The following HEG1 variants were observed in gnomAD, a reference collection of about 807,000 sequenced individuals.
HEG1 encodes the protein protein HEG homolog 1.
A neutral mutation model predicts 125.6 loss-of-function variants in HEG1; 56 were observed. The observed-to-expected ratio is 0.45, with a 90% confidence interval of 0.36 to 0.56. The LOEUF is 0.56. HEG1 is among the 20% of genes least tolerant of loss of function. The pLI is 0.00. For missense variants in HEG1, 1,523 were observed against 1,670.0 expected, an observed-to-expected ratio of 0.91 and a Z score of 1.53; for synonymous variants, 644 against 668.5, an observed-to-expected ratio of 0.96 and a Z score of 0.57.
intron 14 of HEG1, among the ~76,000 whole-genome samples, chr3:124,989,118 G>A (rs1168348185): frequency 6.6e-6 from 1 of 152,180 alleles, no homozygotes; most frequent in African/African-American, 2.4e-5. Flanking sequence ...CAAGTCTCTA[G>A]ACTCTGACCT....
At chr3:125,001,132 G>A (rs1936992771) in intron 11 of HEG1, among the ~76,000 whole-genome samples, 2 of 152,146 alleles carry the variant, frequency 1.3e-5, no homozygotes, top group Non-Finnish European at 2.9e-5. Flanking sequence ...AATTGTTTAT[G>A]GCGCCACTGT....
In HEG1 at chr3:125,024,135, T is replaced by A. The variant is rs543336466; in HGVS notation, c.914-3005A>T. On this transcript the variant is annotated intron_variant, in intron 3 of 16. Transcript: ENST00000311127. ...GATACATTATTATATCCTCAGCTCC[T>A]ATTGAGAATCTATATAAAATATCAC... Among the ~76,000 whole-genome samples, 217 of 152,356 alleles carry A rather than the reference T, an allele frequency of 1.4e-3. 4 individuals carry two copies. The highest frequency in any genetic ancestry group is 5.0e-3 in the African/African-American group (208 of 41,580).
intron 14 of HEG1, among the ~76,000 whole-genome samples, chr3:124,984,201 A>G (rs1408072083): frequency 1.3e-5 from 2 of 152,162 alleles, no homozygotes; most frequent in African/African-American, 4.8e-5. Context: ...ACAGTGTAGA[A>G]AGATATTTAA....
chr3:124,991,365 G>A (rs1298281586), intron 12 of HEG1, among the ~76,000 whole-genome samples: 1 of 152,040 alleles, frequency 6.6e-6, no homozygotes, highest in South Asian at 2.1e-4. Flanking sequence ...GCTCAGGCTT[G>A]TCTCGAACTC....
rs927738567 is a variant in HEG1 at position 125,012,560 on chromosome 3, A to G, written c.2956+63T>C. 4 of 1,479,194 alleles carry G rather than the reference A, an allele frequency of 2.7e-6. No individual in the cohort carries two copies. In the African/African-American group the frequency reaches 4.2e-5, roughly 15 times the overall value. The allele number at this position is 1,479,194 out of a possible 1,614,324, so 91.6% of individuals were successfully genotyped here. ...CAAATTCACATGAACCCCGAGCCCCATGTAGCTCTCAGTGCTGGACTGGGC... is the reference window on the plus strand; with the variant it reads ...CAAATTCACATGAACCCCGAGCCCCGTGTAGCTCTCAGTGCTGGACTGGGC... On this transcript the variant is annotated intron_variant, in intron 6 of 16. Transcript: ENST00000311127.
intron 12 of HEG1, among the ~76,000 whole-genome samples, chr3:124,996,472 T>C (rs1936925575): frequency 6.6e-6 from 1 of 152,178 alleles, no homozygotes; most frequent in South Asian, 2.1e-4. Context: ...TGTAGCAATG[T>C]GGCAGTCTGG....
chr3:125,007,513 C>T (rs191294911), intron 8 of HEG1, among the ~76,000 whole-genome samples: 69 of 152,334 alleles, frequency 4.5e-4, no homozygotes, highest in Non-Finnish European at 4.4e-4. Flanking sequence ...GTATTCAGCA[C>T]AGTTTATTGT....
At position 125,055,958 on chromosome 3, in the gene HEG1, G is replaced by GGCA. The variant is rs1180264582; in HGVS notation, c.-69_-68insTGC. The GGCA allele has an allele frequency of 2.3e-6, 2 of 871,248 alleles. No homozygotes were observed. Among genetic ancestry groups the GGCA allele is most frequent in the East Asian group, 1.2e-4 (1 of 8,196 alleles). 54.0% of individuals were successfully genotyped at this position (871,248 alleles called of 1,614,324 possible). On this transcript the variant is annotated 5_prime_UTR_variant, in exon 1 of 17. Transcript: ENST00000311127. ...CGAGGGCAGCGGGCAGCGGGCAGCG[G>GGCA]GCGGCGGGGGCCGCGCGGGGCCGGG...
intron 15 of HEG1, among the ~76,000 whole-genome samples, chr3:124,974,544 G>C (rs1936502279): frequency 6.6e-6 from 1 of 152,110 alleles, no homozygotes; most frequent in Non-Finnish European, 1.5e-5. Context: ...AAACAGAATG[G>C]TTTGTTTATG....
intron 1 of HEG1, among the ~76,000 whole-genome samples, chr3:125,052,090 G>A (rs973710936): frequency 6.6e-6 from 1 of 152,012 alleles, no homozygotes; most frequent in South Asian, 2.1e-4. Flanking sequence ...AAAAGGATGT[G>A]GCTTTTAAAC....
chr3:125,039,027 GGAGATTA>G, intron 1 of HEG1, among the ~76,000 whole-genome samples: 1 of 152,284 alleles, frequency 6.6e-6, no homozygotes, highest in East Asian at 1.9e-4. Context: ...TCCTCATATT[GGAGATTA>G]GACATCCCAT....
chr3:125,019,277 G>A lies in HEG1; in HGVS notation c.1573C>T (p.Arg525Cys), dbSNP rs369260326. Reference sequence around the variant, plus strand: ...AAAAACTCACTCGAACGTTCTCCACGTGGTGCTGATGAATTCAAGCTTTCC... The same window carrying A: ...AAAAACTCACTCGAACGTTCTCCACATGGTGCTGATGAATTCAAGCTTTCC... ...SSESLNSSAP[R>C]GERSIAGISY... The change falls in exon 5 of 17, where the codon CGT becomes TGT. Residue 525 changes from arginine (R) to cysteine (C), a missense_variant. By Grantham distance (180) the Arg-to-Cys change is radical (BLOSUM62 -3). Transcript: ENST00000311127. 1.7e-4 allele frequency: 279 copies of A among 1,608,632 alleles called. No homozygotes were observed. Among genetic ancestry groups the A allele is most frequent in the Non-Finnish European group, 2.3e-4 (270 of 1,175,382 alleles).
rs754387979 is a variant in HEG1 at position 125,013,255 on chromosome 3, G to A, written c.2324C>T (p.Thr775Ile). 2 of 1,613,920 alleles carry A rather than the reference G, an allele frequency of 1.2e-6. No individual in the cohort carries two copies. The highest frequency in any genetic ancestry group is 2.7e-5 in the African/African-American group (2 of 74,920). ...GGTGCTCTGGCTCTTAAGGTCTGCA[G>A]TTTGACTACTATGGAGCATTGTCAT... ...SFMTMLHSSQ[T>I]ADLKSQSTPH... Residue 775 changes from threonine (T) to isoleucine (I), a missense_variant, in exon 6 of 17, where the codon ACT becomes ATT. Thr to Ile is a moderately conservative substitution (Grantham distance 89, BLOSUM62 -1). Coordinates refer to ENST00000311127, the MANE Select transcript of HEG1 (RefSeq NM_020733.2).
chr3:124,977,865 C>G lies in HEG1; in HGVS notation c.3815G>C (p.Cys1272Ser). ...CTGAACTCTCATCACTTACCTGCAA[C>G]AGGTAACAATCAGTGCGATGCCTAG... ...LILGIALIVTCCRKNKNDISK... is the reference protein window; with the variant it reads ...LILGIALIVTSCRKNKNDISK... The change falls in exon 15 of 17, where the codon TGT becomes TCT. Residue 1272 changes from cysteine to serine, a missense_variant. Cys to Ser is a moderately radical substitution (Grantham distance 112). Coordinates refer to ENST00000311127, the MANE Select transcript of HEG1 (RefSeq NM_020733.2). 1 of 1,566,282 alleles carries G rather than the reference C, an allele frequency of 6.4e-7. No individual in the cohort carries two copies. The highest frequency in any genetic ancestry group is 8.7e-7 in the Non-Finnish European group (1 of 1,154,862).
Position 125,010,535 on chromosome 3 carries a change from G to C in HEG1, c.2977C>G (p.Pro993Ala), listed in dbSNP as rs371557020. ...ACGCATTCGCCATTGTGAAGACAAG[G>C]GTTCACAGCACAGCTGTTGACTACA... The part of the protein sequence containing the change: ...SASVNSCAVN[P>A]CLHNGECVAD... The change falls in exon 7 of 17, where the codon CCT (proline) becomes GCT (alanine). Residue 993 changes from proline (P) to alanine (A), a missense_variant. Pro to Ala is a conservative substitution (Grantham distance 27). Coordinates refer to ENST00000311127, the MANE Select transcript of HEG1 (RefSeq NM_020733.2). The C allele has an allele frequency of 1.2e-5, 19 of 1,557,084 alleles. No individual in the cohort carries two copies. Among genetic ancestry groups the C allele is most frequent in the Non-Finnish European group, 1.6e-5 (18 of 1,149,730 alleles).
At chr3:124,992,137 C>T (rs1028469425) in intron 12 of HEG1, among the ~76,000 whole-genome samples, 5 of 152,130 alleles carry the variant, frequency 3.3e-5, no homozygotes, top group Admixed American at 6.6e-5. Context: ...CCCAGGTTTT[C>T]GTAACAGAAT....
intron 3 of HEG1, among the ~76,000 whole-genome samples, chr3:125,025,064 G>A (rs1937396502): frequency 6.6e-6 from 1 of 152,254 alleles, no homozygotes; most frequent in African/African-American, 2.4e-5. Flanking sequence ...CTCCCTGGCA[G>A]GTCCTGCTGG....
At chr3:125,000,565 C>T (rs577330640) in intron 11 of HEG1, among the ~76,000 whole-genome samples, 1 of 152,058 alleles carries the variant, frequency 6.6e-6, no homozygotes, top group Non-Finnish European at 1.5e-5. Context: ...CTCACTCCCC[C>T]ATCAATAGTA....
At chr3:125,021,904 C>G (rs924664664) in intron 3 of HEG1, among the ~76,000 whole-genome samples, 1 of 152,230 alleles carries the variant, frequency 6.6e-6, no homozygotes, top group African/African-American at 2.4e-5. Context: ...AATCTGCATA[C>G]TACTCCAATG....
Sources: gnomAD v4.1 joint callset for allele counts (sites outside exome capture counted in the v4.1 genomes callset) on GRCh38, gnomAD v4.1.1 for gene constraint, MANE v1.5 for transcripts, NCBI Gene and HGNC (gene_info 2026-07-23, HGNC 2026-07-21) for gene names.